RAP1A: variants seen among roughly 807,000 people sequenced by gnomAD.
RAP1A encodes the protein RAP1A, member of RAS oncogene family.
RAP1A carries 6 observed loss-of-function variants against 26.4 expected under a neutral mutation model. The observed-to-expected ratio is 0.23, with a 90% confidence interval of 0.12 to 0.45. The LOEUF (loss-of-function observed/expected upper bound fraction) is 0.45, where lower values mean the gene tolerates loss of function less well. RAP1A is among the 20% of genes least tolerant of loss of function. The pLI is 0.99. For synonymous variants in RAP1A, 73 were observed against 79.4 expected, an observed-to-expected ratio of 0.92 and a Z score of 0.43; for missense variants, 121 against 217.2, an observed-to-expected ratio of 0.56 and a Z score of 2.78.
At chr1:111,544,638 T>A (rs1192040314) in intron 1 of RAP1A, among the ~76,000 whole-genome samples, 1 of 152,214 alleles carries the variant, frequency 6.6e-6, no homozygotes, top group Non-Finnish European at 1.5e-5. Context: ...ATTTTCAGGC[T>A]ATTATGAATA....
intron 1 of RAP1A, among the ~76,000 whole-genome samples, chr1:111,630,589 A>C (rs1442542858): frequency 6.6e-6 from 1 of 152,188 alleles, no homozygotes; most frequent in Non-Finnish European, 1.5e-5. Flanking sequence ...AGAATGATGA[A>C]AGGGTTTTAA....
At chr1:111,642,786 C>CT (rs11414021) in intron 1 of RAP1A, among the ~76,000 whole-genome samples, 66,584 of 119,404 alleles carry the variant, frequency 0.56, 19,389 homozygotes, top group Middle Eastern at 0.66. Context: ...CGTGCCCAGC[C>CT]TTTTTTTTTT....
chr1:111,660,925 A>T (rs1403521902), intron 1 of RAP1A, among the ~76,000 whole-genome samples: 1 of 152,140 alleles, frequency 6.6e-6, no homozygotes, highest in African/African-American at 2.4e-5. Flanking sequence ...ACTGCCCATC[A>T]TCTTTAGTTG....
chr1:111,549,154 T>C (rs558970213), intron 1 of RAP1A, among the ~76,000 whole-genome samples: 2 of 152,290 alleles, frequency 1.3e-5, no homozygotes, highest in African/African-American at 4.8e-5. Flanking sequence ...CCCTGTTGTC[T>C]TTGTCTGGTG....
At chr1:111,615,637 C>T (rs1442284451), upstream of RAP1A, among the ~76,000 whole-genome samples, 5 of 151,962 alleles carry the variant, frequency 3.3e-5, no homozygotes, top group Non-Finnish European at 5.9e-5. Context: ...TTGAGACCAT[C>T]CTGGCCAACA....
intron 1 of RAP1A, among the ~76,000 whole-genome samples, chr1:111,658,651 C>T (rs758333352): frequency 4.6e-5 from 7 of 152,196 alleles, no homozygotes; most frequent in Non-Finnish European, 8.8e-5. Context: ...TTTTCAGCTC[C>T]ATTGTAATCC....
rs1329185428 is a variant in RAP1A, at chr1:111,713,027, A to G, written c.*626A>G. On this transcript the variant is annotated 3_prime_UTR_variant, in exon 8 of 8. Transcript: ENST00000369709. Reference sequence around the variant, plus strand: ...CTTTCAAAGCTAAAATATATAATATACTAAACCAACTCTAATATTGCTTCT... The same window carrying G: ...CTTTCAAAGCTAAAATATATAATATGCTAAACCAACTCTAATATTGCTTCT... 6.6e-6 allele frequency: 1 copy of G among 152,598 alleles called. No homozygotes were observed. The highest frequency in any genetic ancestry group is 1.9e-4 in the East Asian group (1 of 5,202). 9.5% of individuals were successfully genotyped at this position (152,598 alleles called of 1,614,324 possible).
At chr1:111,607,632 G>A (rs1036924359) in intron 1 of RAP1A, among the ~76,000 whole-genome samples, 2 of 147,910 alleles carry the variant, frequency 1.4e-5, no homozygotes, top group African/African-American at 2.5e-5. Flanking sequence ...GTGGCTGGCC[G>A]GGCGGGGGGC....
rs768020413 is a variant in RAP1A, at chr1:111,709,263, A to G, written c.*28A>G. 1 of 1,584,854 alleles carries G rather than the reference A, an allele frequency of 6.3e-7. No individual in the cohort carries two copies. The highest frequency in any genetic ancestry group is 8.5e-7 in the Non-Finnish European group (1 of 1,171,464). On this transcript the variant is annotated splice_region_variant and 3_prime_UTR_variant, in exon 7 of 8. Transcript: ENST00000369709. ...CCATAGTCAGCAGCAGCTCTGAGCC[A>G]GGTAAGATGCTAAAAGCAGAACAAG...
chr1:111,548,102 C>G (rs995945961), intron 1 of RAP1A, among the ~76,000 whole-genome samples: 1 of 152,226 alleles, frequency 6.6e-6, no homozygotes, highest in Non-Finnish European at 1.5e-5. Flanking sequence ...CTCACTGCAA[C>G]CTCCACCTCC....
At chr1:111,632,656 T>C (rs138311649) in intron 1 of RAP1A, among the ~76,000 whole-genome samples, 447 of 152,232 alleles carry the variant, frequency 2.9e-3, no homozygotes, top group African/African-American at 0.01. Context: ...CTCATGCCTG[T>C]AATCCCAGCA....
At chr1:111,667,825 A>G (rs1046515625) in intron 1 of RAP1A, among the ~76,000 whole-genome samples, 4 of 152,198 alleles carry the variant, frequency 2.6e-5, no homozygotes, top group Non-Finnish European at 4.4e-5. Flanking sequence ...AGATATGCTC[A>G]GAGGCTAAAA....
chr1:111,576,788 G>A (rs1009052868), intron 1 of RAP1A, among the ~76,000 whole-genome samples: 7 of 152,182 alleles, frequency 4.6e-5, no homozygotes, highest in East Asian at 1.9e-4. Flanking sequence ...AGTCATTAAC[G>A]AAGCTACTAG....
intron 1 of RAP1A, among the ~76,000 whole-genome samples, chr1:111,565,998 GAACA>G (rs1291441287): frequency 1.3e-5 from 2 of 152,018 alleles, no homozygotes; most frequent in Non-Finnish European, 2.9e-5. Flanking sequence ...CTTCGAGGAG[GAACA>G]AATAACTCAG....
At chr1:111,692,567 A>G (rs978680168) in intron 2 of RAP1A, among the ~76,000 whole-genome samples, 1 of 152,210 alleles carries the variant, frequency 6.6e-6, no homozygotes, top group African/African-American at 2.4e-5. Flanking sequence ...GAACATCACA[A>G]CATTCTTTAC....
At position 111,709,284 on chromosome 1, in the gene RAP1A, A is replaced by G. The variant is rs1459446766; in HGVS notation, c.*29+20A>G. ...AGCCAGGTAAGATGCTAAAAGCAGA[A>G]CAAGTGCCTTTCTCATGCTCCTATT... On this transcript the variant is annotated intron_variant, in intron 7 of 7. Coordinates refer to ENST00000369709, the MANE Select transcript of RAP1A (RefSeq NM_002884.4). The G allele has an allele frequency of 1.3e-6, 2 of 1,561,264 alleles. No homozygotes were observed. Among genetic ancestry groups the G allele is most frequent in the Non-Finnish European group, 1.7e-6 (2 of 1,160,756 alleles).
chr1:111,657,419 T>C (rs1177278885), intron 1 of RAP1A, among the ~76,000 whole-genome samples: 1 of 152,212 alleles, frequency 6.6e-6, no homozygotes, highest in East Asian at 1.9e-4. Flanking sequence ...TCTGAAAATA[T>C]TTGAAATCTG....
At chr1:111,567,504 TG>T (rs1320632257) in intron 1 of RAP1A, among the ~76,000 whole-genome samples, 2 of 152,164 alleles carry the variant, frequency 1.3e-5, no homozygotes, top group Non-Finnish European at 2.9e-5. Context: ...AATCCTATTG[TG>T]GACTGAACTG....
intron 1 of RAP1A, among the ~76,000 whole-genome samples, chr1:111,633,537 G>A (rs1659638280): frequency 6.6e-6 from 1 of 152,120 alleles, no homozygotes; most frequent in African/African-American, 2.4e-5. Context: ...GGTTATTTCG[G>A]TAGTGTTTCT....
Sources: allele counts gnomAD v4.1 joint callset (sites outside exome capture counted in the v4.1 genomes callset), GRCh38; gene constraint gnomAD v4.1.1; transcripts MANE v1.5; gene names NCBI Gene and HGNC (gene_info 2026-07-23, HGNC 2026-07-21).